The following BTBD9 variants were observed in gnomAD, a reference collection of about 807,000 sequenced individuals.
The protein encoded by BTBD9 is BTB/POZ domain-containing protein 9.
A neutral mutation model predicts 64.3 loss-of-function variants in BTBD9; 49 were observed. That is an observed-to-expected ratio of 0.76 (90% confidence interval 0.61 to 0.97). The LOEUF (loss-of-function observed/expected upper bound fraction) is 0.97, where lower values mean the gene tolerates loss of function less well. Among genes scored for constraint, BTBD9 ranks in the 50% least tolerant of loss-of-function variants. The pLI, the probability that BTBD9 is intolerant of heterozygous loss-of-function variation, is 0.00. For missense variants in BTBD9, 598 were observed against 762.1 expected (o/e 0.78, Z 2.53); for synonymous variants, 260 against 274.7 (o/e 0.95, Z 0.53).
At chr6:38,501,137 A>T (rs916197188) in intron 6 of BTBD9, among the ~76,000 whole-genome samples, 2 of 152,112 alleles carry the variant, frequency 1.3e-5, no homozygotes, top group Non-Finnish European at 2.9e-5. Flanking sequence ...AGTTCTAAAA[A>T]TTTTTTTAGG....
intron 6 of BTBD9, among the ~76,000 whole-genome samples, chr6:38,466,282 C>CTTTT (rs1770382800): frequency 1.3e-5 from 1 of 78,782 alleles, no homozygotes. Context: ...GCTTCCTTTT[C>CTTTT]CTTTTTTTTT....
At chr6:38,528,585 A>G (rs538420687) in intron 6 of BTBD9, among the ~76,000 whole-genome samples, 2 of 152,360 alleles carry the variant, frequency 1.3e-5, no homozygotes, top group Non-Finnish European at 2.9e-5. Flanking sequence ...ATAACAGCTC[A>G]GTCATGGTAG....
At chr6:38,280,261 T>C (rs745446137) in intron 8 of BTBD9, among the ~76,000 whole-genome samples, 2 of 152,178 alleles carry the variant, frequency 1.3e-5, no homozygotes, top group African/African-American at 2.4e-5. Context: ...CTGGGAACCA[T>C]AGATAAAATT....
At chr6:38,223,223 A>C (rs1374432866) in intron 9 of BTBD9, among the ~76,000 whole-genome samples, 1 of 152,142 alleles carries the variant, frequency 6.6e-6, no homozygotes, top group Non-Finnish European at 1.5e-5. Context: ...AAGATTTTAG[A>C]TTATCACGAC....
intron 9 of BTBD9, among the ~76,000 whole-genome samples, chr6:38,251,875 G>A (rs1012970339): frequency 2.0e-5 from 3 of 146,508 alleles, no homozygotes; most frequent in Non-Finnish European, 4.5e-5. Context: ...TTGGGTGACA[G>A]AGTGAGACTC....
intron 6 of BTBD9, among the ~76,000 whole-genome samples, chr6:38,422,343 ATTC>A (rs1390738008): frequency 5.3e-5 from 8 of 152,110 alleles, no homozygotes; most frequent in African/African-American, 1.9e-4. Flanking sequence ...CCTACAACCC[ATTC>A]TTTTCCTTCA....
At chr6:38,387,834 G>A (rs142158798) in intron 6 of BTBD9, among the ~76,000 whole-genome samples, 134 of 152,236 alleles carry the variant, frequency 8.8e-4, no homozygotes, top group African/African-American at 3.0e-3. Flanking sequence ...AAGGAGAAGA[G>A]CTAATTCACA....
chr6:38,505,699 G>A (rs1162950223), intron 6 of BTBD9, among the ~76,000 whole-genome samples: 6 of 151,744 alleles, frequency 4.0e-5, no homozygotes, highest in Admixed American at 6.6e-5. Context: ...AGGTGCAGTG[G>A]CTCACGCCTG....
At position 38,288,355 on chromosome 6, in the gene BTBD9, C is replaced by T. The variant is rs1188001291; in HGVS notation, c.1371G>A (p.Trp457Ter). ...LLNGDTKNYDWDSGYTCHQLG... is the reference protein window; with the variant it reads ...LLNGDTKNYD ...GCTGGTGACATGTGTAGCCAGAATC[C>T]CAGTCATAATTCTTAGTGTCCCCAT... The change falls in exon 8 of 11, where the codon TGG becomes TGA. Residue 457 changes from tryptophan to a stop codon, truncating the protein, a stop_gained. Transcript: ENST00000481247. LOFTEE classifies it high-confidence loss of function. The T allele has an allele frequency of 6.2e-7, 1 of 1,614,092 alleles. No individual in the cohort carries two copies. The highest frequency in any genetic ancestry group is 8.5e-7 in the Non-Finnish European group (1 of 1,180,020).
chr6:38,288,832 C>G (rs1761851925), intron 7 of BTBD9, among the ~76,000 whole-genome samples: 1 of 151,772 alleles, frequency 6.6e-6, no homozygotes, highest in African/African-American at 2.4e-5. Flanking sequence ...GAGGCCGAGG[C>G]AAGAGAATTG....
chr6:38,244,787 G>A (rs1764126038), intron 9 of BTBD9, among the ~76,000 whole-genome samples: 1 of 152,160 alleles, frequency 6.6e-6, no homozygotes, highest in Admixed American at 6.5e-5. Flanking sequence ...TGGCAATACT[G>A]AATTAAAATT....
chr6:38,623,465 T>C (rs1243827220), intron 1 of BTBD9, among the ~76,000 whole-genome samples: 1 of 152,180 alleles, frequency 6.6e-6, no homozygotes, highest in Non-Finnish European at 1.5e-5. Flanking sequence ...AATCTATCCT[T>C]ACTCTACAAT....
intron 6 of BTBD9, among the ~76,000 whole-genome samples, chr6:38,506,438 G>A (rs766843892): frequency 4.6e-5 from 7 of 152,292 alleles, no homozygotes; most frequent in Middle Eastern, 3.4e-3. Context: ...TGTTACCCTC[G>A]TGATCCCGTG....
At chr6:38,490,462 A>G (rs926719767) in intron 6 of BTBD9, among the ~76,000 whole-genome samples, 1 of 152,074 alleles carries the variant, frequency 6.6e-6, no homozygotes, top group Non-Finnish European at 1.5e-5. Context: ...CTGGGATTAC[A>G]GGTGTGCACC....
At chr6:38,423,966 G>A (rs1428513585) in intron 6 of BTBD9, among the ~76,000 whole-genome samples, 4 of 151,938 alleles carry the variant, frequency 2.6e-5, no homozygotes. Flanking sequence ...TGACCTTTCA[G>A]AGGCTTGGTT....
intron 6 of BTBD9, among the ~76,000 whole-genome samples, chr6:38,376,249 A>G (rs1389896392): frequency 2.0e-5 from 3 of 152,212 alleles, no homozygotes; most frequent in African/African-American, 4.8e-5. Context: ...AAATATTGTA[A>G]GAGTTCAACA....
chr6:38,279,559 T>C (rs1761422908), intron 8 of BTBD9, among the ~76,000 whole-genome samples: 1 of 152,184 alleles, frequency 6.6e-6, no homozygotes, highest in Non-Finnish European at 1.5e-5. Context: ...AATTTCAATT[T>C]GCTTGAAGTC....
At chr6:38,355,439 G>A (rs183309667) in intron 6 of BTBD9, among the ~76,000 whole-genome samples, 8 of 152,260 alleles carry the variant, frequency 5.3e-5, no homozygotes, top group Admixed American at 4.6e-4. Flanking sequence ...CCTCCCCAAA[G>A]CTTCTTGAGA....
rs374452112 is a variant in BTBD9 at position 38,577,653 on chromosome 6, T to C, written c.1101A>G (p.Ser367=). The part of the protein sequence containing the change: ...ELDWVRVIDH[S]QYLCRSWQKL... The stretch of plus-strand genomic sequence containing the variant: ...TCTGCCAAGAACGACACAGATATTG[T>C]GAATGATCTATCACTCTGACCCAAT... The change falls in exon 6 of 11, where the codon TCA becomes TCG. Residue 367 remains serine (S), a synonymous_variant. Coordinates refer to ENST00000481247, the MANE Select transcript of BTBD9 (RefSeq NM_001099272.2). 13 of 1,611,014 alleles carry C rather than the reference T, an allele frequency of 8.1e-6. No individual in the cohort carries two copies. The African/African-American group carries it at 1.5e-4, about 18-fold the overall frequency.
Sources: allele counts gnomAD v4.1 joint callset (sites outside exome capture counted in the v4.1 genomes callset), GRCh38; gene constraint gnomAD v4.1.1; transcripts MANE v1.5; gene names NCBI Gene and HGNC (gene_info 2026-07-23, HGNC 2026-07-21).